STK3: variants seen among roughly 807,000 people sequenced by gnomAD.
STK3 encodes serine/threonine-protein kinase 3.
A neutral mutation model predicts 58.0 loss-of-function variants in STK3; 41 were observed. The ratio of observed to expected loss-of-function variants is 0.71; its 90% confidence interval spans 0.55 to 0.92. The LOEUF (loss-of-function observed/expected upper bound fraction) is 0.92, where lower values mean the gene tolerates loss of function less well. Ranked by LOEUF, STK3 falls within the 40% of genes least tolerant of loss-of-function variation. STK3 has a pLI of 0.00. For missense variants in STK3, 479 were observed against 602.7 expected (o/e 0.79, Z 2.15); for synonymous variants, 170 against 191.0 (o/e 0.89, Z 0.91).
chr8:98,451,551 C>A (rs1183112192), downstream of STK3, among the ~76,000 whole-genome samples: 1 of 152,096 alleles, frequency 6.6e-6, no homozygotes, highest in African/African-American at 2.4e-5. Context: ...AAAGTGGTGG[C>A]AAAGAGTCTG....
At chr8:98,920,133 C>A (rs901167961) in intron 1 of STK3, among the ~76,000 whole-genome samples, 2 of 152,180 alleles carry the variant, frequency 1.3e-5, no homozygotes, top group African/African-American at 2.4e-5. Context: ...GTGTCCCAGG[C>A]CAGCCCTGCT....
At chr8:98,615,186 C>T (rs1422160653) in intron 6 of STK3, among the ~76,000 whole-genome samples, 1 of 151,692 alleles carries the variant, frequency 6.6e-6, no homozygotes, top group South Asian at 2.1e-4. Flanking sequence ...GGGAGGCACC[C>T]CCTAGCAGGG....
intron 6 of STK3, among the ~76,000 whole-genome samples, chr8:98,601,027 T>C (rs1212424568): frequency 1.3e-5 from 2 of 152,152 alleles, no homozygotes; most frequent in African/African-American, 4.8e-5. Context: ...TGATGGTTTT[T>C]AAATTTTTTT....
At chr8:98,630,800 GGAAGAGGAA>G (rs1819161957) in intron 6 of STK3, among the ~76,000 whole-genome samples, 1 of 143,122 alleles carries the variant, frequency 7.0e-6, no homozygotes, top group African/African-American at 2.9e-5. Flanking sequence ...AGGAAGAAGA[GGAAGAGGAA>G]GAAGAAGAAG....
At chr8:98,651,494 T>G (rs1011607134) in intron 6 of STK3, 1 of 152,264 alleles carries the variant, frequency 6.6e-6, no homozygotes, top group Non-Finnish European at 1.5e-5. Flanking sequence ...GGACGGAGAA[T>G]GACTTTGACG....
chr8:98,609,427 T>C (rs1490468429), intron 6 of STK3, among the ~76,000 whole-genome samples: 2 of 152,166 alleles, frequency 1.3e-5, no homozygotes, highest in Non-Finnish European at 2.9e-5. Flanking sequence ...TCATCTGAAA[T>C]ATGGTACAAT....
At chr8:98,710,582 C>T (rs913957405) in intron 4 of STK3, among the ~76,000 whole-genome samples, 2 of 152,180 alleles carry the variant, frequency 1.3e-5, no homozygotes, top group Non-Finnish European at 1.5e-5. Flanking sequence ...AATGCGGCAG[C>T]GAGGCTGGGG....
At chr8:98,480,940 T>C (rs1263266798) in intron 10 of STK3, among the ~76,000 whole-genome samples, 1 of 152,258 alleles carries the variant, frequency 6.6e-6, no homozygotes, top group Non-Finnish European at 1.5e-5. Flanking sequence ...AAGTGTTTAT[T>C]GTACTATTTT....
At chr8:98,885,616 T>C (rs1837960123) in intron 1 of STK3, among the ~76,000 whole-genome samples, 1 of 152,128 alleles carries the variant, frequency 6.6e-6, no homozygotes, top group African/African-American at 2.4e-5. Flanking sequence ...TTTTTTGTAT[T>C]TTTAGTGGAG....
chr8:98,936,745 C>T (rs1840212993), intron 1 of STK3, among the ~76,000 whole-genome samples: 1 of 152,208 alleles, frequency 6.6e-6, no homozygotes, highest in Non-Finnish European at 1.5e-5. Flanking sequence ...ACAACTTGCA[C>T]TTAGTGTACT....
chr8:98,758,475 G>A (rs1246128301), intron 3 of STK3, among the ~76,000 whole-genome samples: 1 of 152,148 alleles, frequency 6.6e-6, no homozygotes, highest in Non-Finnish European at 1.5e-5. Flanking sequence ...TTTATTGCTG[G>A]GATGTAAGGT....
chr8:98,647,557 G>A (rs1820494435), intron 6 of STK3, among the ~76,000 whole-genome samples: 1 of 152,128 alleles, frequency 6.6e-6, no homozygotes, highest in South Asian at 2.1e-4. Flanking sequence ...CTTTTTGTTT[G>A]TTTTTTGAGA....
At chr8:98,870,008 T>C (rs1436445757) in intron 3 of STK3, among the ~76,000 whole-genome samples, 1 of 152,014 alleles carries the variant, frequency 6.6e-6, no homozygotes, top group Non-Finnish European at 1.5e-5. Flanking sequence ...CCCAACCCCA[T>C]GACAGGCCCT....
At chr8:98,704,954 T>G (rs1193089910) in intron 6 of STK3, among the ~76,000 whole-genome samples, 1 of 152,174 alleles carries the variant, frequency 6.6e-6, no homozygotes. Flanking sequence ...ACATCCTAAC[T>G]AAAAGAACCA....
intron 4 of STK3, among the ~76,000 whole-genome samples, chr8:98,743,184 C>A (rs1275220299): frequency 4.6e-5 from 7 of 151,728 alleles, no homozygotes; most frequent in African/African-American, 1.7e-4. Context: ...CAATGCCATC[C>A]CCATCAAGCT....
intron 6 of STK3, among the ~76,000 whole-genome samples, chr8:98,620,805 G>T (rs924119404): frequency 3.3e-5 from 5 of 151,002 alleles, no homozygotes; most frequent in Non-Finnish European, 5.9e-5. Flanking sequence ...TGACAAAAAA[G>T]ACAAAAAGAG....
At chr8:98,485,199 C>T (rs1822154786) in intron 10 of STK3, among the ~76,000 whole-genome samples, 2 of 151,966 alleles carry the variant, frequency 1.3e-5, no homozygotes, top group African/African-American at 4.8e-5. Flanking sequence ...CGAGATTGTG[C>T]CATTGCACTC....
chr8:98,894,375 C>T (rs1838372847), intron 1 of STK3, among the ~76,000 whole-genome samples: 1 of 152,170 alleles, frequency 6.6e-6, no homozygotes, highest in African/African-American at 2.4e-5. Flanking sequence ...CTGCAACATC[C>T]TAACTTTTTC....
At chr8:98,373,669 C>T (rs1465132127) in intron 2 of STK3, among the ~76,000 whole-genome samples, 2 of 152,166 alleles carry the variant, frequency 1.3e-5, no homozygotes, top group Non-Finnish European at 2.9e-5. Context: ...GCTGCCTCAC[C>T]GCTGGAGGAA....
Sources: gnomAD v4.1 joint callset for allele counts (sites outside exome capture counted in the v4.1 genomes callset) on GRCh38, gnomAD v4.1.1 for gene constraint, MANE v1.5 for transcripts, NCBI Gene and HGNC (gene_info 2026-07-23, HGNC 2026-07-21) for gene names.